The following SLCO1B1 variants were observed in gnomAD, a reference collection of about 807,000 sequenced individuals.
SLCO1B1 encodes the protein solute carrier organic anion transporter family member 1B1.
In SLCO1B1, 81 loss-of-function variants were observed where a neutral mutation model predicts 70.1. The observed-to-expected ratio is 1.16, with a 90% confidence interval of 0.97 to 1.39. The LOEUF (loss-of-function observed/expected upper bound fraction) is 1.39, where lower values mean the gene tolerates loss of function less well. SLCO1B1 is among the 40% of genes most tolerant of loss of function. The pLI, the probability that SLCO1B1 is intolerant of heterozygous loss-of-function variation, is 0.00. For missense variants in SLCO1B1, 895 were observed against 799.6 expected, an observed-to-expected ratio of 1.12 and a Z score of -1.44; for synonymous variants, 283 against 271.5, an observed-to-expected ratio of 1.04 and a Z score of -0.42.
chr12:21,209,144 G>A (rs1941249708), intron 11 of SLCO1B1, among the ~76,000 whole-genome samples: 2 of 151,896 alleles, frequency 1.3e-5, no homozygotes, highest in African/African-American at 4.8e-5. Context: ...TGCCATGCTG[G>A]TGCACTGAAC....
chr12:21,192,903 G>C (rs2121132537), intron 7 of SLCO1B1, among the ~76,000 whole-genome samples: 1 of 151,830 alleles, frequency 6.6e-6, no homozygotes, highest in East Asian at 1.9e-4. Context: ...AGAATGTTTT[G>C]TTTTTGATTC....
Position 21,202,673 on chromosome 12 carries a change from A to G in SLCO1B1, c.1318A>G (p.Met440Val). 5 of 1,611,042 alleles carry G rather than the reference A, an allele frequency of 3.1e-6. No homozygotes were observed. Among genetic ancestry groups the G allele is most frequent in the Non-Finnish European group, 4.2e-6 (5 of 1,178,186 alleles). Residue 440 changes from methionine to valine, a missense_variant, in exon 10 of 15, where the codon ATG becomes GTG. Met to Val is a conservative substitution (Grantham distance 21). Transcript: ENST00000256958. ...AAACAAATCAGTTGCCGGACTAACC[A>G]TGACCTATGATGGGTTTGTATATAT... ...CENKSVAGLT[M>V]TYDGNNPVTS...
At chr12:21,181,878 G>A (rs1198055377) in intron 7 of SLCO1B1, among the ~76,000 whole-genome samples, 1 of 151,848 alleles carries the variant, frequency 6.6e-6, no homozygotes, top group Non-Finnish European at 1.5e-5. Flanking sequence ...CTAAGAAAAA[G>A]GTATATCATG....
intron 13 of SLCO1B1, 50 bp from the exon 14 acceptor site, chr12:21,224,672 A>T: frequency 9.4e-7 from 1 of 1,063,192 alleles, no homozygotes; most frequent in African/African-American, 1.6e-5. Context: ...TCATGCAGTT[A>T]CATTTAAAAT....
At chr12:21,138,657 A>G (rs1300134969) in intron 1 of SLCO1B1, among the ~76,000 whole-genome samples, 2 of 152,176 alleles carry the variant, frequency 1.3e-5, no homozygotes, top group African/African-American at 4.8e-5. Flanking sequence ...AATACAAAGA[A>G]AAGTAATGAC....
At chr12:21,196,837 G>A (rs755999056) in intron 7 of SLCO1B1, 109 bp from the exon 8 acceptor site, 201 of 1,132,904 alleles carry the variant, frequency 1.8e-4, no homozygotes, top group East Asian at 6.1e-4. Flanking sequence ...GAAAAAAATC[G>A]TGTCTTGGAA....
At chr12:21,215,156 G>T (rs189025765) in intron 11 of SLCO1B1, among the ~76,000 whole-genome samples, 2 of 152,256 alleles carry the variant, frequency 1.3e-5, no homozygotes, top group African/African-American at 4.8e-5. Flanking sequence ...TTTCCTATTT[G>T]TCAGTGTTTT....
chr12:21,170,757 CA>C (rs764360374), intron 2 of SLCO1B1, among the ~76,000 whole-genome samples: 105 of 152,242 alleles, frequency 6.9e-4, no homozygotes, highest in Non-Finnish European at 1.4e-3. Context: ...TAAGTTGTAT[CA>C]TTTAATAAAT....
intron 1 of SLCO1B1, among the ~76,000 whole-genome samples, chr12:21,131,666 G>A: frequency 6.7e-6 from 1 of 148,512 alleles, no homozygotes; most frequent in East Asian, 2.1e-4. Flanking sequence ...GGGAGTAGAG[G>A]GAAGAGTTAA....
chr12:21,147,686 T>C (rs1940407374), intron 2 of SLCO1B1, among the ~76,000 whole-genome samples: 1 of 152,256 alleles, frequency 6.6e-6, no homozygotes, highest in Admixed American at 6.5e-5. Context: ...CAATTATTGA[T>C]GGGCATTTGG....
intron 5 of SLCO1B1, 91 bp downstream of exon 5, chr12:21,176,988 T>G (rs1413752346): frequency 1.0e-6 from 1 of 973,274 alleles, no homozygotes; most frequent in Non-Finnish European, 1.6e-6. Flanking sequence ...TTAGCAAAAT[T>G]TAATTAAGAA....
At position 21,172,701 on chromosome 12, in the gene SLCO1B1, A is replaced by G; in HGVS notation, c.136A>G (p.Ile46Val). The G allele has an allele frequency of 5.0e-6, 8 of 1,613,786 alleles. No homozygotes were observed. Among genetic ancestry groups the G allele is most frequent in the Non-Finnish European group, 6.8e-6 (8 of 1,179,832 alleles). ...LSFIAKTLGA[I>V]IMKSSIIHIE... ...CTTTATTGCTAAGACACTAGGTGCA[A>G]TTATTATGAAAAGTTCCATCATTCA... Residue 46 changes from isoleucine to valine, a missense_variant, in exon 3 of 15, where the codon ATT (isoleucine) becomes GTT (valine). Physicochemically the swap from Ile to Val is conservative, Grantham distance 29 (BLOSUM62 3). Transcript: ENST00000256958.
intron 12 of SLCO1B1, among the ~76,000 whole-genome samples, chr12:21,218,685 A>G (rs531356575): frequency 1.3e-4 from 20 of 152,286 alleles, no homozygotes; most frequent in African/African-American, 4.8e-4. Flanking sequence ...TAACCTTAAA[A>G]TTAAATAATA....
intron 12 of SLCO1B1, 91 bp downstream of exon 12, chr12:21,217,394 C>G (rs905870775): frequency 9.1e-6 from 9 of 988,166 alleles, no homozygotes; most frequent in Non-Finnish European, 1.4e-5. Flanking sequence ...ACTGGGAATT[C>G]AAATTCATAT....
At chr12:21,189,070 C>T (rs140650049) in intron 7 of SLCO1B1, among the ~76,000 whole-genome samples, 4 of 152,268 alleles carry the variant, frequency 2.6e-5, no homozygotes, top group East Asian at 1.9e-4. Context: ...CTGCAATGAA[C>T]GTGCAAATGC....
intron 10 of SLCO1B1, among the ~76,000 whole-genome samples, chr12:21,203,447 A>C (rs577887649): frequency 6.6e-6 from 1 of 152,160 alleles, no homozygotes; most frequent in Admixed American, 6.6e-5. Flanking sequence ...AGGAAGGTTC[A>C]CATTCAAGCA....
intron 7 of SLCO1B1, among the ~76,000 whole-genome samples, chr12:21,191,134 C>T (rs11045838): frequency 3.9e-5 from 6 of 151,972 alleles, no homozygotes; most frequent in East Asian, 1.9e-4. Context: ...CTTCTTGGTT[C>T]CATATGTATT....
intron 12 of SLCO1B1, among the ~76,000 whole-genome samples, chr12:21,220,251 T>G (rs1941407782): frequency 6.6e-6 from 1 of 152,166 alleles, no homozygotes; most frequent in Non-Finnish European, 1.5e-5. Flanking sequence ...ATTTGTTCTA[T>G]CTCTATAAAG....
At chr12:21,189,339 TTGCATTTCCCTGATA>T (rs1424658431) in intron 7 of SLCO1B1, among the ~76,000 whole-genome samples, 1 of 152,224 alleles carries the variant, frequency 6.6e-6, no homozygotes, top group East Asian at 1.9e-4. Context: ...TGCTTTTGAT[TTGCATTTCCCTGATA>T]TGCAATGTTG....
Sources: allele counts gnomAD v4.1 joint callset (sites outside exome capture counted in the v4.1 genomes callset), GRCh38; gene constraint gnomAD v4.1.1; transcripts MANE v1.5; gene names NCBI Gene and HGNC (gene_info 2026-07-23, HGNC 2026-07-21).